DNAJC6: variants seen among roughly 807,000 people sequenced by gnomAD.
The protein encoded by DNAJC6 is auxilin.
DNAJC6 carries 34 observed loss-of-function variants against 110.0 expected under a neutral mutation model. The observed-to-expected ratio is 0.31, with a 90% CI of 0.24 to 0.41. The LOEUF is 0.41. Ranked by LOEUF, DNAJC6 falls within the 10% of genes least tolerant of loss-of-function variation. The pLI is 1.00. For missense variants in DNAJC6, 1,031 were observed against 1,207.8 expected (o/e 0.85, Z 2.17); for synonymous variants, 406 against 437.2 (o/e 0.93, Z 0.89).
At position 65,408,764 on chromosome 1, in the gene DNAJC6, T is replaced by C. The variant is rs752231247; in HGVS notation, c.2615T>C (p.Met872Thr). Reference protein sequence around the residue: ...EMRKEEMAKEMDPEKLKILEW... With the variant: ...EMRKEEMAKETDPEKLKILEW... ...AGAAAGGAGGAAATGGCCAAGGAAATGGATCCTGAGAAATTAAAGGTGAGT... is the reference window on the plus strand; with the variant it reads ...AGAAAGGAGGAAATGGCCAAGGAAACGGATCCTGAGAAATTAAAGGTGAGT... The change falls in exon 17 of 19, where the codon ATG becomes ACG. Residue 872 changes from methionine to threonine, a missense_variant. By Grantham distance (81) the Met-to-Thr change is moderately conservative. Coordinates refer to ENST00000371069, the MANE Select transcript of DNAJC6 (RefSeq NM_001256864.2). 2 of 1,612,854 alleles carry C rather than the reference T, an allele frequency of 1.2e-6. No individual in the cohort carries two copies. The highest frequency in any genetic ancestry group is 3.4e-5 in the Admixed American group (2 of 59,640).
At chr1:65,335,761 C>T (rs1184707781) in intron 1 of DNAJC6, among the ~76,000 whole-genome samples, 1 of 152,054 alleles carries the variant, frequency 6.6e-6, no homozygotes, top group Non-Finnish European at 1.5e-5. Context: ...CCTTGTAGGC[C>T]ATTGCGCGAG....
Position 65,394,900 on chromosome 1 carries a change from G to A in DNAJC6, c.1906G>A (p.Ala636Thr). The A allele has an allele frequency of 6.3e-7, 1 of 1,582,876 alleles. No individual in the cohort carries two copies. Among genetic ancestry groups the A allele is most frequent in the Non-Finnish European group, 8.5e-7 (1 of 1,169,590 alleles). ...ASPTLRVGEG[A>T]TFDPFGAPSK... Reference sequence around the variant, plus strand: ...TATATTTTCCCATTGTTTTCTAGGTGCCACCTTTGACCCATTTGGAGCACC... The same window carrying A: ...TATATTTTCCCATTGTTTTCTAGGTACCACCTTTGACCCATTTGGAGCACC... Residue 636 changes from alanine (A) to threonine (T), a missense_variant and splice_region_variant, in exon 13 of 19, where the codon GCC becomes ACC. Transcript: ENST00000371069.
At chr1:65,313,769 C>T (rs1430755826) in intron 1 of DNAJC6, among the ~76,000 whole-genome samples, 1 of 152,208 alleles carries the variant, frequency 6.6e-6, no homozygotes, top group Non-Finnish European at 1.5e-5. Context: ...AGAGCAGTCT[C>T]CTAGCCAGAT....
intron 8 of DNAJC6, 122 bp from the exon 9 acceptor site, chr1:65,388,214 A>G: frequency 1.2e-6 from 1 of 834,804 alleles, no homozygotes; most frequent in Admixed American, 1.8e-5. Context: ...TTTAATATCC[A>G]TAGTAAACAC....
intron 4 of DNAJC6, among the ~76,000 whole-genome samples, chr1:65,377,086 A>G (rs1472140307): frequency 6.6e-6 from 1 of 152,180 alleles, no homozygotes; most frequent in Non-Finnish European, 1.5e-5. Context: ...TTGAATTTGT[A>G]CAGACTCGTT....
intron 1 of DNAJC6, among the ~76,000 whole-genome samples, chr1:65,349,802 G>A (rs1370050446): frequency 6.6e-6 from 1 of 151,892 alleles, no homozygotes; most frequent in Non-Finnish European, 1.5e-5. Flanking sequence ...TATTTATCCT[G>A]TTTTGGGTTT....
chr1:65,389,579 C>A lies in DNAJC6; in HGVS notation c.1420C>A (p.Pro474Thr), dbSNP rs372053013. The A allele has an allele frequency of 1.2e-6, 2 of 1,614,164 alleles. No individual in the cohort carries two copies. The highest frequency in any genetic ancestry group is 8.5e-7 in the Non-Finnish European group (1 of 1,180,022). Residue 474 changes from proline to threonine, a missense_variant, in exon 11 of 19, where the codon CCC (proline) becomes ACC (threonine). By Grantham distance (38) the Pro-to-Thr change is conservative. Transcript: ENST00000371069. ...TCCAATAGATATCCCTCCAGACAAC[C>A]CCAGGCATTACGGACAAAGTGGTTT... ...QAPIDIPPDN[P>T]RHYGQSGFFA...
At chr1:65,363,247 C>T (rs976763948) in intron 1 of DNAJC6, among the ~76,000 whole-genome samples, 1 of 152,094 alleles carries the variant, frequency 6.6e-6, no homozygotes, top group African/African-American at 2.4e-5. Context: ...GACATAGAAC[C>T]AAACCATATT....
At chr1:65,359,333 G>A (rs146222547) in intron 1 of DNAJC6, among the ~76,000 whole-genome samples, 111 of 152,230 alleles carry the variant, frequency 7.3e-4, no homozygotes, top group Admixed American at 1.5e-3. Flanking sequence ...AGGATACTGC[G>A]TCTAGTTTCC....
intron 18 of DNAJC6, among the ~76,000 whole-genome samples, chr1:65,411,734 G>T (rs1182823573): frequency 6.7e-6 from 1 of 150,262 alleles, no homozygotes; most frequent in Non-Finnish European, 1.5e-5. Context: ...TTTGGGGGGG[G>T]CAGGGTAGGC....
chr1:65,400,682 T>C (rs1646022636), intron 14 of DNAJC6, among the ~76,000 whole-genome samples: 1 of 152,238 alleles, frequency 6.6e-6, no homozygotes, highest in Admixed American at 6.5e-5. Context: ...TATGGCTCAA[T>C]AGTATTCTAT....
intron 1 of DNAJC6, chr1:65,279,226 T>A: frequency 1.1e-6 from 1 of 928,222 alleles, no homozygotes; most frequent in South Asian, 5.0e-5. Flanking sequence ...GATGGTGGCG[T>A]GCAGAGATTG....
At chr1:65,373,052 A>G (rs1312876470) in intron 4 of DNAJC6, among the ~76,000 whole-genome samples, 2 of 152,200 alleles carry the variant, frequency 1.3e-5, no homozygotes, top group African/African-American at 4.8e-5. Flanking sequence ...ATGAGTAAAA[A>G]ACATGCAATA....
chr1:65,413,115 C>T lies in DNAJC6; in HGVS notation c.*90C>T. 2 of 1,067,596 alleles carry T rather than the reference C, an allele frequency of 1.9e-6. No individual in the cohort carries two copies. Among genetic ancestry groups the T allele is most frequent in the Admixed American group, 4.1e-5 (2 of 48,198 alleles). The allele number at this position is 1,067,596 out of a possible 1,614,324, so 66.1% of individuals were successfully genotyped here. A position where few individuals can be genotyped will look rare whatever the true frequency, so the allele number is the denominator to read the frequency against. On this transcript the variant is annotated 3_prime_UTR_variant, in exon 19 of 19. Transcript: ENST00000371069. ...GGTTTTCGCAGATGAACCAAAAACT[C>T]CAGTAACATGTTTTCAGTACTAAAC...
intron 4 of DNAJC6, among the ~76,000 whole-genome samples, chr1:65,370,517 C>T (rs1449012985): frequency 6.6e-6 from 1 of 152,172 alleles, no homozygotes; most frequent in Admixed American, 6.5e-5. Context: ...TTACTGTTGG[C>T]AATAAATGGA....
intron 1 of DNAJC6, among the ~76,000 whole-genome samples, chr1:65,269,058 A>G (rs566312930): frequency 7.9e-5 from 12 of 152,228 alleles, no homozygotes; most frequent in Non-Finnish European, 1.3e-4. Context: ...TACACATAAC[A>G]TTTTAATAGT....
intron 1 of DNAJC6, among the ~76,000 whole-genome samples, chr1:65,316,048 G>T (rs957737620): frequency 7.2e-5 from 11 of 152,066 alleles, no homozygotes; most frequent in African/African-American, 2.7e-4. Context: ...GACTTGATAC[G>T]GCACTGAGAG....
chr1:65,375,446 G>T (rs1444232459), intron 4 of DNAJC6, among the ~76,000 whole-genome samples: 3 of 144,354 alleles, frequency 2.1e-5, no homozygotes, highest in Admixed American at 1.4e-4. Flanking sequence ...TTTTTTTGGA[G>T]ACGGAGTCTC....
At chr1:65,370,841 C>G (rs910236737) in intron 4 of DNAJC6, among the ~76,000 whole-genome samples, 3 of 152,158 alleles carry the variant, frequency 2.0e-5, no homozygotes, top group Admixed American at 1.3e-4. Context: ...GTTTTTACCC[C>G]TTTTTCTTCC....
Sources: gnomAD v4.1 joint callset for allele counts (sites outside exome capture counted in the v4.1 genomes callset) on GRCh38, gnomAD v4.1.1 for gene constraint, MANE v1.5 for transcripts, NCBI Gene and HGNC (gene_info 2026-07-23, HGNC 2026-07-21) for gene names.